Variants in RBFOX1 observed in about 807,000 individuals in gnomAD.
The protein encoded by RBFOX1 is RNA binding fox-1 homolog 1.
RBFOX1 carries 8 observed loss-of-function variants against 57.7 expected under a neutral mutation model. That is an observed-to-expected ratio of 0.14 (90% CI 0.08 to 0.25). The LOEUF is 0.25. RBFOX1 is among the 10% of genes least tolerant of loss of function. The probability of loss-of-function intolerance (pLI) is 1.00; values close to 1 mark genes in which losing one functional copy is unlikely to be tolerated. For synonymous variants in RBFOX1, 326 were observed against 222.4 expected (o/e 1.47, Z -4.15); for missense variants, 611 against 548.5 (o/e 1.11, Z -1.14).
rs1452168011 is a variant in RBFOX1 at position 7,597,244 on chromosome 16, A to T, written c.562-127A>T. ...TTGTTATGCACCTACTGCCTTTTAT[A>T]AATTAAAATGCATTTTACTTTTTAG... is the stretch of plus-strand genomic sequence containing the variant. On this transcript the variant is annotated intron_variant, in intron 8 of 15. Coordinates refer to ENST00000550418, the MANE Select transcript of RBFOX1 (RefSeq NM_018723.4). The T allele has an allele frequency of 4.9e-6, 3 of 612,114 alleles. No homozygotes were observed. In the East Asian group the frequency reaches 9.1e-5, roughly 19 times the overall value. 37.9% of individuals were successfully genotyped at this position (612,114 alleles called of 1,614,324 possible). A position where few individuals can be genotyped will look rare whatever the true frequency, so the allele number is the denominator to read the frequency against.
intron 7 of RBFOX1, among the ~76,000 whole-genome samples, chr16:7,595,222 C>T (rs2094625392): frequency 6.6e-6 from 1 of 152,118 alleles, no homozygotes. Context: ...ATTTTATTCT[C>T]TGTGAAGACA....
intron 2 of RBFOX1, among the ~76,000 whole-genome samples, chr16:6,557,660 G>A (rs950426539): frequency 2.0e-5 from 3 of 152,164 alleles, no homozygotes; most frequent in Admixed American, 1.3e-4. Flanking sequence ...AAATGGAGAA[G>A]GGGAAAATGC....
intron 11 of RBFOX1, among the ~76,000 whole-genome samples, chr16:7,641,217 G>A (rs957087042): frequency 1.3e-5 from 2 of 152,194 alleles, no homozygotes; most frequent in African/African-American, 4.8e-5. Flanking sequence ...CATAGAGGTG[G>A]CTGCTGCTTC....
intron 2 of RBFOX1, among the ~76,000 whole-genome samples, chr16:6,537,800 A>G (rs1003804210): frequency 6.6e-6 from 1 of 152,200 alleles, no homozygotes; most frequent in African/African-American, 2.4e-5. Flanking sequence ...GGTAGCTGAA[A>G]TTCAGGAAAT....
chr16:5,985,800 A>G (rs1403663990), intron 4 of RBFOX1, among the ~76,000 whole-genome samples: 1 of 152,190 alleles, frequency 6.6e-6, no homozygotes, highest in Non-Finnish European at 1.5e-5. Flanking sequence ...GAGAAAATGA[A>G]ACATCTGGCT....
chr16:5,289,224 C>A (rs776265795), intron 1 of RBFOX1: 7 of 355,028 alleles, frequency 2.0e-5, no homozygotes, highest in Non-Finnish European at 3.9e-5. Flanking sequence ...TCATTCTGGG[C>A]TGACTGGGCA....
At chr16:7,492,048 A>G (rs981857881) in intron 4 of RBFOX1, among the ~76,000 whole-genome samples, 10 of 152,174 alleles carry the variant, frequency 6.6e-5, no homozygotes, top group African/African-American at 2.4e-4. Context: ...CCTGTGTTCC[A>G]TGCTTGTATG....
At chr16:6,304,876 CAAAAAAA>C (rs58680911) in intron 1 of RBFOX1, among the ~76,000 whole-genome samples, 2 of 79,676 alleles carry the variant, frequency 2.5e-5, no homozygotes, top group African/African-American at 1.2e-4. Context: ...GACCCTGTCT[CAAAAAAA>C]AAAAAAAAAA....
chr16:6,246,224 T>G (rs962766639), intron 1 of RBFOX1, among the ~76,000 whole-genome samples: 5 of 152,162 alleles, frequency 3.3e-5, no homozygotes, highest in Non-Finnish European at 5.9e-5. Flanking sequence ...CCTCAAGCTT[T>G]GTGACTGGAA....
chr16:5,435,247 G>A (rs1193580150), intron 1 of RBFOX1, among the ~76,000 whole-genome samples: 2 of 152,166 alleles, frequency 1.3e-5, no homozygotes, highest in African/African-American at 2.4e-5. Flanking sequence ...TGAAGAAAAG[G>A]TTAAACTGAT....
chr16:6,849,136 A>G (rs1422348922), intron 3 of RBFOX1, among the ~76,000 whole-genome samples: 2 of 152,276 alleles, frequency 1.3e-5, no homozygotes, highest in Non-Finnish European at 2.9e-5. Context: ...AATCATCCCC[A>G]GAGAGTGAAA....
chr16:6,416,761 A>T (rs1001624754), intron 2 of RBFOX1, among the ~76,000 whole-genome samples: 24 of 152,142 alleles, frequency 1.6e-4, no homozygotes, highest in African/African-American at 4.6e-4. Flanking sequence ...CCATACTAAT[A>T]ACATACCTTA....
intron 4 of RBFOX1, among the ~76,000 whole-genome samples, chr16:7,435,761 C>T (rs1414922251): frequency 6.6e-6 from 1 of 152,182 alleles, no homozygotes; most frequent in Non-Finnish European, 1.5e-5. Flanking sequence ...TAAAGAGCTT[C>T]ATCATCCAGG....
intron 4 of RBFOX1, among the ~76,000 whole-genome samples, chr16:7,410,254 T>C (rs920082469): frequency 6.6e-6 from 1 of 152,244 alleles, no homozygotes; most frequent in Non-Finnish European, 1.5e-5. Context: ...TGTTGGCTCC[T>C]TAGACCAACA....
chr16:6,951,752 G>T (rs998957803), intron 3 of RBFOX1, among the ~76,000 whole-genome samples: 4 of 152,054 alleles, frequency 2.6e-5, no homozygotes, highest in Non-Finnish European at 4.4e-5. Flanking sequence ...TCTCTCTTTT[G>T]AGATGGAGTC....
intron 2 of RBFOX1, among the ~76,000 whole-genome samples, chr16:6,652,154 T>G (rs544121200): frequency 7.9e-5 from 12 of 152,124 alleles, no homozygotes; most frequent in Admixed American, 2.6e-4. Context: ...TTGGTGGCCT[T>G]AAAAGAAAGA....
intron 13 of RBFOX1, chr16:7,671,599 G>A (rs752663879): frequency 3.1e-6 from 5 of 1,611,310 alleles, no homozygotes; most frequent in Non-Finnish European, 4.2e-6. Flanking sequence ...AATTGCTGCA[G>A]GTATGAAATC....
chr16:5,964,548 T>A (rs760509585), intron 4 of RBFOX1, among the ~76,000 whole-genome samples: 10 of 152,140 alleles, frequency 6.6e-5, no homozygotes, highest in Non-Finnish European at 1.5e-4. Flanking sequence ...TACATAGATA[T>A]ATATGTATAT....
chr16:6,150,876 C>A lies in RBFOX1; in HGVS notation c.-127+130884C>A, dbSNP rs553083924. 5.3e-5 allele frequency among the ~76,000 whole-genome samples: 8 copies of A among 152,282 alleles called. No individual in the cohort carries two copies. The East Asian group carries it at 1.5e-3, about 29-fold the overall frequency. ...TTTGCAGCATGTCAGGTTGTCTTGACGTGCAGCTGAATTATTTACATTTTC... is the reference window on the plus strand; with the variant it reads ...TTTGCAGCATGTCAGGTTGTCTTGAAGTGCAGCTGAATTATTTACATTTTC... On this transcript the variant is annotated intron_variant, in intron 1 of 15. Coordinates refer to ENST00000550418, the MANE Select transcript of RBFOX1 (RefSeq NM_018723.4).
Sources: allele counts gnomAD v4.1 joint callset (sites outside exome capture counted in the v4.1 genomes callset), GRCh38; gene constraint gnomAD v4.1.1; transcripts MANE v1.5; gene names NCBI Gene and HGNC (gene_info 2026-07-23, HGNC 2026-07-21).